CDK8: variants seen among roughly 807,000 people sequenced by gnomAD.
CDK8 encodes the protein cyclin dependent kinase 8, also known as cyclin-dependent kinase 8.
A neutral mutation model predicts 71.5 loss-of-function variants in CDK8; 29 were observed. That is an observed-to-expected ratio of 0.41 (90% confidence interval 0.30 to 0.55). CDK8 has a LOEUF of 0.55. CDK8 is among the 20% of genes least tolerant of loss of function. The probability of loss-of-function intolerance (pLI) is 0.37; values close to 1 mark genes in which losing one functional copy is unlikely to be tolerated. For missense variants in CDK8, 288 were observed against 572.6 expected (o/e 0.50, Z 5.07); for synonymous variants, 161 against 192.1 (o/e 0.84, Z 1.34).
At chr13:26,346,422 T>A (rs1873464062) in intron 2 of CDK8, among the ~76,000 whole-genome samples, 1 of 152,236 alleles carries the variant, frequency 6.6e-6, no homozygotes, top group South Asian at 2.1e-4. Context: ...CTTTTGCCAA[T>A]GCTTTGGAAT....
At position 26,393,221 on chromosome 13, in the gene CDK8, A is replaced by G. The variant is rs377752027; in HGVS notation, c.647-146A>G. On this transcript the variant is annotated intron_variant, in intron 6 of 12. Coordinates refer to ENST00000381527, the MANE Select transcript of CDK8 (RefSeq NM_001260.3). Reference sequence around the variant, plus strand: ...TTATAATTGCTTAGGAATTAATATGAGTTATTAGGGAAAGAAAGAAAAAAA... The same window carrying G: ...TTATAATTGCTTAGGAATTAATATGGGTTATTAGGGAAAGAAAGAAAAAAA... The G allele has an allele frequency of 1.8e-4, 105 of 569,230 alleles. 1 individual carries two copies. The East Asian group carries it at 2.3e-3, about 12-fold the overall frequency. The allele number at this position is 569,230 out of a possible 1,614,324, so 35.3% of individuals were successfully genotyped here. A position where few individuals can be genotyped will look rare whatever the true frequency, so the allele number is the denominator to read the frequency against.
chr13:26,276,833 A>G (rs895041288), intron 1 of CDK8, among the ~76,000 whole-genome samples: 3 of 152,210 alleles, frequency 2.0e-5, no homozygotes, highest in African/African-American at 7.2e-5. Flanking sequence ...TAGGACTGAC[A>G]TAAGTATTTA....
chr13:26,312,583 C>G (rs1874336980), intron 1 of CDK8, among the ~76,000 whole-genome samples: 2 of 152,218 alleles, frequency 1.3e-5, no homozygotes, highest in Admixed American at 6.5e-5. Context: ...GGAAGAAACT[C>G]CAGACACATC....
At chr13:26,358,085 GGAGATT>G (rs973426056) in intron 4 of CDK8, among the ~76,000 whole-genome samples, 25 of 151,888 alleles carry the variant, frequency 1.6e-4, no homozygotes, top group African/African-American at 5.3e-4. Context: ...CATGAGGTCA[GGAGATT>G]GAGACCATCC....
At chr13:26,274,382 T>C (rs1364549788) in intron 1 of CDK8, among the ~76,000 whole-genome samples, 1 of 152,098 alleles carries the variant, frequency 6.6e-6, no homozygotes, top group African/African-American at 2.4e-5. Flanking sequence ...ATTTAATTTC[T>C]TTTCGGAATT....
chr13:26,303,905 G>T (rs559453655), intron 1 of CDK8, among the ~76,000 whole-genome samples: 2 of 151,994 alleles, frequency 1.3e-5, no homozygotes, highest in African/African-American at 4.8e-5. Context: ...AGCTACACTC[G>T]ATTTCTGTTG....
intron 4 of CDK8, among the ~76,000 whole-genome samples, chr13:26,376,205 G>T (rs1051588680): frequency 1.2e-5 from 1 of 83,132 alleles, no homozygotes; most frequent in Non-Finnish European, 2.9e-5. Context: ...AGCTAGGTTC[G>T]CTTTTTTAAT....
intron 4 of CDK8, among the ~76,000 whole-genome samples, chr13:26,357,754 A>G (rs1424238478): frequency 6.6e-6 from 1 of 152,216 alleles, no homozygotes; most frequent in Non-Finnish European, 1.5e-5. Context: ...GACCCAGGAA[A>G]AAGTTTTAGC....
chr13:26,273,746 A>G (rs897120580), intron 1 of CDK8, among the ~76,000 whole-genome samples: 2 of 151,824 alleles, frequency 1.3e-5, no homozygotes, highest in Admixed American at 1.3e-4. Context: ...GTTTTCCTTT[A>G]TTCTTCTCCT....
chr13:26,294,029 T>C (rs2137906080), intron 1 of CDK8, among the ~76,000 whole-genome samples: 1 of 152,350 alleles, frequency 6.6e-6, no homozygotes, highest in African/African-American at 2.4e-5. Context: ...GTATTTATCT[T>C]TCTGGCTTAT....
At chr13:26,352,568 GACAGGTGACAAA>G (rs1873727921) in intron 3 of CDK8, among the ~76,000 whole-genome samples, 1 of 152,012 alleles carries the variant, frequency 6.6e-6, no homozygotes, top group African/African-American at 2.4e-5. Context: ...CATATTTTAG[GACAGGTGACAAA>G]ACAGCCTAGA....
intron 2 of CDK8, among the ~76,000 whole-genome samples, chr13:26,341,108 A>G (rs547254009): frequency 6.6e-6 from 1 of 152,228 alleles, no homozygotes; most frequent in South Asian, 2.1e-4. Flanking sequence ...ACTCACCTCT[A>G]CTTCAACCTA....
rs753215850 is a variant in CDK8, at chr13:26,337,689, G to A, written c.204+47G>A. 9 of 812,192 alleles carry A rather than the reference G, an allele frequency of 1.1e-5. No homozygotes were observed. In the African/African-American group the frequency reaches 1.2e-4, roughly 11 times the overall value. 50.3% of individuals were successfully genotyped at this position (812,192 alleles called of 1,614,324 possible). ...ATCGTTATTATCAACTGACTTATGA[G>A]TACCAACTATATAAGGCTCTGTATT... On this transcript the variant is annotated intron_variant, in intron 2 of 12. Coordinates refer to ENST00000381527, the MANE Select transcript of CDK8 (RefSeq NM_001260.3).
At chr13:26,382,140 C>G (rs1875259726) in intron 4 of CDK8, among the ~76,000 whole-genome samples, 1 of 152,098 alleles carries the variant, frequency 6.6e-6, no homozygotes, top group African/African-American at 2.4e-5. Context: ...AGCCTTTATT[C>G]ATTAGTGTAG....
chr13:26,336,614 C>T (rs1315836006), intron 1 of CDK8, among the ~76,000 whole-genome samples: 27 of 139,300 alleles, frequency 1.9e-4, no homozygotes, highest in African/African-American at 1.7e-4. Flanking sequence ...ACTGCAGTGG[C>T]GTGATCTCGG....
chr13:26,378,208 G>A (rs1267209813), intron 4 of CDK8, among the ~76,000 whole-genome samples: 5 of 152,138 alleles, frequency 3.3e-5, no homozygotes, highest in African/African-American at 1.2e-4. Flanking sequence ...CATCAACCCA[G>A]TTCTTGTCTT....
chr13:26,321,886 A>G (rs888546325), intron 1 of CDK8, among the ~76,000 whole-genome samples: 4 of 152,172 alleles, frequency 2.6e-5, no homozygotes, highest in African/African-American at 4.8e-5. Flanking sequence ...TAGAAAGACC[A>G]TATATGAATA....
intron 4 of CDK8, among the ~76,000 whole-genome samples, chr13:26,363,874 G>A (rs968195934): frequency 1.3e-5 from 2 of 151,984 alleles, no homozygotes; most frequent in Admixed American, 6.6e-5. Context: ...CTTTATCAAG[G>A]CATCTTATTG....
chr13:26,392,980 T>C (rs1195203215), intron 6 of CDK8, among the ~76,000 whole-genome samples: 1 of 152,200 alleles, frequency 6.6e-6, no homozygotes, highest in Non-Finnish European at 1.5e-5. Flanking sequence ...TTGTTTAGTT[T>C]TCTTTGGTTG....
Sources: gnomAD v4.1 joint callset for allele counts (sites outside exome capture counted in the v4.1 genomes callset) on GRCh38, gnomAD v4.1.1 for gene constraint, MANE v1.5 for transcripts, NCBI Gene and HGNC (gene_info 2026-07-23, HGNC 2026-07-21) for gene names.